MRTFB: variants seen among roughly 807,000 people sequenced by gnomAD.
MRTFB encodes myocardin-related transcription factor B.
A neutral mutation model predicts 104.2 loss-of-function variants in MRTFB; 29 were observed. That is an observed-to-expected ratio of 0.28 (90% CI 0.21 to 0.38). MRTFB has a LOEUF of 0.38. MRTFB is among the 10% of genes least tolerant of loss of function. The pLI is 1.00. For missense variants in MRTFB, 1,270 were observed against 1,341.6 expected (o/e 0.95, Z 0.83); for synonymous variants, 535 against 519.5 (o/e 1.03, Z -0.41).
chr16:14,183,688 G>T (rs117274544), intron 3 of MRTFB, among the ~76,000 whole-genome samples: 2 of 152,068 alleles, frequency 1.3e-5, no homozygotes, highest in African/African-American at 4.8e-5. Flanking sequence ...ATTCAGAGAT[G>T]ATTCTGGGGG....
At chr16:14,219,821 T>A (rs950107324) in intron 8 of MRTFB, among the ~76,000 whole-genome samples, 1 of 152,188 alleles carries the variant, frequency 6.6e-6, no homozygotes, top group Admixed American at 6.5e-5. Flanking sequence ...TGTGAGCCTA[T>A]GAGAGGGACT....
At chr16:14,154,920 T>A (rs1002208477) in intron 3 of MRTFB, among the ~76,000 whole-genome samples, 5 of 152,202 alleles carry the variant, frequency 3.3e-5, no homozygotes, top group Non-Finnish European at 2.9e-5. Context: ...TGATAATCTC[T>A]TGTAGCATTC....
At chr16:14,106,217 T>G (rs2035967472) in intron 2 of MRTFB, among the ~76,000 whole-genome samples, 1 of 151,756 alleles carries the variant, frequency 6.6e-6, no homozygotes, top group South Asian at 2.1e-4. Flanking sequence ...GAGCAGGAGG[T>G]AGATAGAATG....
At chr16:14,149,149 G>T (rs1219632537) in intron 3 of MRTFB, 1 of 152,200 alleles carries the variant, frequency 6.6e-6, no homozygotes, top group South Asian at 2.1e-4. Context: ...TATGCGTTAA[G>T]ATTTTTATAA....
chr16:14,110,256 A>G (rs1233242400), intron 2 of MRTFB, among the ~76,000 whole-genome samples: 1 of 152,142 alleles, frequency 6.6e-6, no homozygotes, highest in African/African-American at 2.4e-5. Context: ...CCTGGACCAG[A>G]TATGTGCAGA....
chr16:14,091,122 AG>A (rs2035037657), intron 2 of MRTFB, among the ~76,000 whole-genome samples: 2 of 152,062 alleles, frequency 1.3e-5, no homozygotes, highest in Non-Finnish European at 1.5e-5. Context: ...GCTGGATGCA[AG>A]GGGCAGGTCT....
chr16:14,228,652 G>A (rs1739623849), intron 8 of MRTFB, among the ~76,000 whole-genome samples: 1 of 151,978 alleles, frequency 6.6e-6, no homozygotes, highest in Non-Finnish European at 1.5e-5. Context: ...ATTCACAATA[G>A]CCAAAATGTG....
the MRTFB span, among the ~76,000 whole-genome samples, chr16:13,997,430 AG>A: frequency 2.6e-5 from 4 of 152,204 alleles, no homozygotes; most frequent in African/African-American, 9.6e-5. Context: ...AGTGTTTTGT[AG>A]GCACCAAGTA....
chr16:14,066,969 C>CAAA (rs376401707), upstream of MRTFB, among the ~76,000 whole-genome samples: 9,975 of 152,080 alleles, frequency 0.066, 1,003 homozygotes, highest in African/African-American at 0.22. Context: ...CCATGCCTGG[C>CAAA]CAGAATTACC....
the MRTFB span, among the ~76,000 whole-genome samples, chr16:14,040,379 G>A: frequency 0.015 from 2,348 of 152,244 alleles, 65 homozygotes; most frequent in African/African-American, 0.054. Flanking sequence ...GATAGATGGG[G>A]CCAGTTGCCC....
At chr16:14,155,956 C>T (rs2038810875) in intron 3 of MRTFB, among the ~76,000 whole-genome samples, 1 of 152,146 alleles carries the variant, frequency 6.6e-6, no homozygotes, top group South Asian at 2.1e-4. Context: ...CTTCAGCTGC[C>T]TTAGCCTGCT....
At chr16:14,167,713 A>G (rs2039291340) in intron 3 of MRTFB, among the ~76,000 whole-genome samples, 1 of 151,832 alleles carries the variant, frequency 6.6e-6, no homozygotes, top group Non-Finnish European at 1.5e-5. Flanking sequence ...TGTTTTTGAG[A>G]TGGAGTCTTG....
intron 2 of MRTFB, among the ~76,000 whole-genome samples, chr16:14,097,865 C>T (rs1005831058): frequency 6.6e-6 from 1 of 152,192 alleles, no homozygotes; most frequent in Admixed American, 6.5e-5. Context: ...TTCTTTCAGT[C>T]AGCCTAATTA....
At chr16:13,998,971 T>C in the MRTFB span, among the ~76,000 whole-genome samples, 2 of 144,934 alleles carry the variant, frequency 1.4e-5, no homozygotes, top group Admixed American at 7.1e-5. Context: ...GGCAGGCAGA[T>C]TGCCTGAGCT....
chr16:14,017,279 A>G, the MRTFB span, among the ~76,000 whole-genome samples: 7 of 151,610 alleles, frequency 4.6e-5, no homozygotes, highest in Non-Finnish European at 8.8e-5. Flanking sequence ...GATGGTCTCG[A>G]TCTCCTGACC....
chr16:14,112,218 G>A (rs1460419913), intron 2 of MRTFB, among the ~76,000 whole-genome samples: 1 of 152,230 alleles, frequency 6.6e-6, no homozygotes, highest in African/African-American at 2.4e-5. Context: ...AGGATCAGTG[G>A]TGTGGAGACC....
At chr16:14,040,145 G>C in the MRTFB span, among the ~76,000 whole-genome samples, 2 of 152,184 alleles carry the variant, frequency 1.3e-5, no homozygotes, top group African/African-American at 4.8e-5. Flanking sequence ...TGGTGCAAAA[G>C]TTATTGCAAT....
intron 8 of MRTFB, among the ~76,000 whole-genome samples, chr16:14,229,294 G>A (rs186429846): frequency 2.0e-5 from 3 of 151,972 alleles, no homozygotes; most frequent in Admixed American, 6.6e-5. Flanking sequence ...AGAGTTTTAC[G>A]TAAAATATTC....
rs190057935 is a variant in MRTFB, at chr16:14,095,416, C to T, written c.-64+16062C>T. On this transcript the variant is annotated intron_variant, in intron 2 of 16. Transcript: ENST00000571589. The stretch of plus-strand genomic sequence containing the variant: ...TTACTTAAGCTTGTTAACACTCTAC[C>T]TGCCTGTAAAATGCTCCATTATAGA... Among the ~76,000 whole-genome samples the T allele has an allele frequency of 2.2e-3, 341 of 152,276 alleles. 1 individual carries two copies. The highest frequency in any genetic ancestry group is 6.3e-3 in the Admixed American group (96 of 15,292).
Sources: allele counts gnomAD v4.1 joint callset (sites outside exome capture counted in the v4.1 genomes callset), GRCh38; gene constraint gnomAD v4.1.1; transcripts MANE v1.5; gene names NCBI Gene and HGNC (gene_info 2026-07-23, HGNC 2026-07-21).